PPP2R3A: variants seen among roughly 807,000 people sequenced by gnomAD.
PPP2R3A encodes protein phosphatase 2 regulatory subunit B''alpha.
In PPP2R3A, 80 loss-of-function variants were observed where a neutral mutation model predicts 106.9. The ratio of observed to expected loss-of-function variants is 0.75; its 90% CI spans 0.62 to 0.90. PPP2R3A has a LOEUF of 0.90. PPP2R3A is among the 40% of genes least tolerant of loss of function. PPP2R3A has a pLI of 0.00. For missense variants in PPP2R3A, 1,386 were observed against 1,350.4 expected (o/e 1.03, Z -0.41); for synonymous variants, 483 against 468.3 (o/e 1.03, Z -0.41).
At chr3:136,009,086 T>C (rs1933952859) in intron 2 of PPP2R3A, among the ~76,000 whole-genome samples, 1 of 152,190 alleles carries the variant, frequency 6.6e-6, no homozygotes, top group Non-Finnish European at 1.5e-5. Context: ...GAATTCATGA[T>C]GATTTACCGG....
chr3:136,082,166 A>C (rs1297961497), intron 7 of PPP2R3A, 99 bp from the exon 8 acceptor site: 7 of 1,071,676 alleles, frequency 6.5e-6, no homozygotes, highest in Non-Finnish European at 8.0e-6. Context: ...CCAGAAAAAA[A>C]TTTTAAATTC....
intron 10 of PPP2R3A, among the ~76,000 whole-genome samples, chr3:136,094,486 TCTC>T (rs1277072310): frequency 5.3e-5 from 8 of 151,996 alleles, no homozygotes; most frequent in Non-Finnish European, 1.2e-4. Context: ...AACTGGAAAA[TCTC>T]CACACACTTG....
chr3:136,140,005 CAAAA>C (rs370749523), intron 13 of PPP2R3A, among the ~76,000 whole-genome samples: 1 of 84,240 alleles, frequency 1.2e-5, no homozygotes. Context: ...GACTCTGTCT[CAAAA>C]AAAAAAAAAA....
intron 2 of PPP2R3A, among the ~76,000 whole-genome samples, chr3:136,022,200 T>G (rs2107815527): frequency 6.6e-6 from 1 of 152,298 alleles, no homozygotes; most frequent in African/African-American, 2.4e-5. Flanking sequence ...TTTTGTCCTT[T>G]TTTTAGCCAA....
At chr3:136,105,150 A>C (rs1173840957) in intron 12 of PPP2R3A, among the ~76,000 whole-genome samples, 1 of 152,210 alleles carries the variant, frequency 6.6e-6, no homozygotes, top group African/African-American at 2.4e-5. Flanking sequence ...GTTTCCAGGA[A>C]GCTATCACAG....
intron 8 of PPP2R3A, among the ~76,000 whole-genome samples, chr3:136,083,383 G>A (rs1179445272): frequency 3.3e-5 from 5 of 152,092 alleles, no homozygotes; most frequent in Admixed American, 3.3e-4. Context: ...TTTATAAAGG[G>A]GAGTTCCTCT....
At chr3:136,094,130 T>C (rs1471986296) in intron 10 of PPP2R3A, among the ~76,000 whole-genome samples, 1 of 152,248 alleles carries the variant, frequency 6.6e-6, no homozygotes, top group Non-Finnish European at 1.5e-5. Flanking sequence ...CCACATACTG[T>C]ATGAATTCAT....
chr3:136,115,131 G>C (rs1165608502), intron 13 of PPP2R3A, among the ~76,000 whole-genome samples: 3 of 152,198 alleles, frequency 2.0e-5, no homozygotes, highest in African/African-American at 7.2e-5. Context: ...AAAGAGTCTA[G>C]AGTGGACCTC....
At chr3:136,118,521 C>G (rs1278935651) in intron 13 of PPP2R3A, among the ~76,000 whole-genome samples, 2 of 152,218 alleles carry the variant, frequency 1.3e-5, no homozygotes, top group East Asian at 3.8e-4. Flanking sequence ...TGAGCAACTT[C>G]AGCAAAGTCT....
chr3:135,975,426 T>C (rs1317621186), intron 1 of PPP2R3A, among the ~76,000 whole-genome samples: 5 of 152,216 alleles, frequency 3.3e-5, no homozygotes, highest in African/African-American at 1.2e-4. Flanking sequence ...TGGAATGGTG[T>C]CTGTTCTGAT....
At chr3:136,036,025 T>C (rs941967552) in intron 3 of PPP2R3A, among the ~76,000 whole-genome samples, 1 of 152,114 alleles carries the variant, frequency 6.6e-6, no homozygotes, top group Non-Finnish European at 1.5e-5. Context: ...GCTGAGACTT[T>C]CCAGAGCATT....
intron 13 of PPP2R3A, among the ~76,000 whole-genome samples, chr3:136,141,324 A>C (rs1466343419): frequency 6.6e-6 from 1 of 152,200 alleles, no homozygotes; most frequent in South Asian, 2.1e-4. Context: ...TTGAGGCAGG[A>C]AACAGCATGT....
chr3:136,030,761 C>CATATAT (rs374923726), intron 3 of PPP2R3A, among the ~76,000 whole-genome samples: 1,570 of 99,998 alleles, frequency 0.016, 33 homozygotes, highest in African/African-American at 0.02. Context: ...TATTCCATCA[C>CATATAT]ATATATATAT....
At chr3:136,092,900 C>A (rs986663441) in intron 10 of PPP2R3A, among the ~76,000 whole-genome samples, 2 of 152,156 alleles carry the variant, frequency 1.3e-5, no homozygotes, top group African/African-American at 2.4e-5. Context: ...ACTGCAATTA[C>A]TTTTGTACCA....
At chr3:136,097,973 A>G (rs1272674845) in intron 10 of PPP2R3A, among the ~76,000 whole-genome samples, 1 of 152,256 alleles carries the variant, frequency 6.6e-6, no homozygotes, top group Non-Finnish European at 1.5e-5. Flanking sequence ...GAGAGTAGAT[A>G]TGATATGACT....
At chr3:136,079,306 G>C (rs1310014974) in intron 7 of PPP2R3A, 1 of 316,548 alleles carries the variant, frequency 3.2e-6, no homozygotes, top group Non-Finnish European at 6.5e-6. Flanking sequence ...GGGTTAAAAT[G>C]GCAGTAATTC....
intron 13 of PPP2R3A, among the ~76,000 whole-genome samples, chr3:136,117,862 C>G (rs1252869843): frequency 6.6e-6 from 1 of 152,186 alleles, no homozygotes; most frequent in African/African-American, 2.4e-5. Flanking sequence ...GGGAATCCTC[C>G]TTAACTGATT....
intron 1 of PPP2R3A, among the ~76,000 whole-genome samples, chr3:135,990,736 T>TTA (rs1224769793): frequency 6.6e-6 from 1 of 152,106 alleles, no homozygotes; most frequent in Non-Finnish European, 1.5e-5. Flanking sequence ...CTGCCTTCAT[T>TTA]TATAGCCTCA....
At chr3:136,140,453 A>AAACAAAAAC (rs1433728165) in intron 13 of PPP2R3A, among the ~76,000 whole-genome samples, 2 of 149,762 alleles carry the variant, frequency 1.3e-5, no homozygotes, top group African/African-American at 5.0e-5. Flanking sequence ...AAAAAAAAAA[A>AAACAAAAAC]AAAAAAAAAA....
Sources: allele counts gnomAD v4.1 joint callset (sites outside exome capture counted in the v4.1 genomes callset), GRCh38; gene constraint gnomAD v4.1.1; transcripts MANE v1.5; gene names NCBI Gene and HGNC (gene_info 2026-07-23, HGNC 2026-07-21).